The following HERC3 variants were observed in gnomAD, a reference collection of about 807,000 sequenced individuals.
The protein encoded by HERC3 is HECT and RLD domain containing E3 ubiquitin protein ligase 3, also known as probable E3 ubiquitin-protein ligase HERC3.
HERC3 carries 58 observed loss-of-function variants against 129.9 expected under a neutral mutation model. The ratio of observed to expected loss-of-function variants is 0.45; its 90% CI spans 0.36 to 0.56. The LOEUF (loss-of-function observed/expected upper bound fraction) is 0.56, where lower values mean the gene tolerates loss of function less well. Among genes scored for constraint, HERC3 ranks in the 20% least tolerant of loss-of-function variants. The pLI is 0.00. For missense variants in HERC3, 835 were observed against 1,244.2 expected, an observed-to-expected ratio of 0.67 and a Z score of 4.95; for synonymous variants, 430 against 451.0, an observed-to-expected ratio of 0.95 and a Z score of 0.59.
intron 23 of HERC3, chr4:88,697,637 C>T (rs1015741144): frequency 2.5e-6 from 4 of 1,613,742 alleles, no homozygotes; most frequent in Non-Finnish European, 3.4e-6. Flanking sequence ...TCACCAGCCG[C>T]GCTGTCACAG....
intron 10 of HERC3, among the ~76,000 whole-genome samples, chr4:88,660,714 TTGTGTGTGCATG>T (rs1730407348): frequency 6.6e-6 from 1 of 152,076 alleles, no homozygotes; most frequent in Admixed American, 6.6e-5. Context: ...ATTGTTAGAA[TTGTGTGTGCATG>T]TGTGTGTGTT....
At chr4:88,559,728 G>T in the HERC3 span, among the ~76,000 whole-genome samples, 5 of 152,276 alleles carry the variant, frequency 3.3e-5, no homozygotes, top group Middle Eastern at 6.8e-3. Flanking sequence ...GGCTATTGTG[G>T]ATAATGCTGC....
chr4:88,575,232 A>C, the HERC3 span, among the ~76,000 whole-genome samples: 2 of 152,358 alleles, frequency 1.3e-5, no homozygotes, highest in Admixed American at 1.3e-4. Context: ...ATCCTCCTCT[A>C]TAGGATTTTT....
chr4:88,697,749 G>A, intron 23 of HERC3: 1 of 1,606,752 alleles, frequency 6.2e-7, no homozygotes, highest in Non-Finnish European at 8.5e-7. Flanking sequence ...TTTCCGAGTC[G>A]GCCATGTTAG....
intron 23 of HERC3, among the ~76,000 whole-genome samples, chr4:88,687,768 G>C (rs1311631763): frequency 6.6e-6 from 1 of 152,246 alleles, no homozygotes; most frequent in East Asian, 1.9e-4. Flanking sequence ...ATTTTATAAA[G>C]GTGCTTACTA....
chr4:88,586,612 G>A, the HERC3 span, among the ~76,000 whole-genome samples: 4 of 151,996 alleles, frequency 2.6e-5, no homozygotes, highest in East Asian at 1.9e-4. Flanking sequence ...ACCCGCCTCC[G>A]CCTCCCAAAG....
chr4:88,666,226 A>T (rs10516816), intron 12 of HERC3, among the ~76,000 whole-genome samples: 7,055 of 152,188 alleles, frequency 0.046, 207 homozygotes, highest in Middle Eastern at 0.12. Context: ...TTTTTTTCAA[A>T]CTGACATCTG....
At chr4:88,634,837 G>C (rs1727192955) in intron 3 of HERC3, among the ~76,000 whole-genome samples, 1 of 152,114 alleles carries the variant, frequency 6.6e-6, no homozygotes, top group South Asian at 2.1e-4. Context: ...CTCCTCAAGT[G>C]ACATTTCCAG....
the HERC3 span, among the ~76,000 whole-genome samples, chr4:88,569,010 C>A: frequency 1.3e-5 from 2 of 152,106 alleles, no homozygotes; most frequent in African/African-American, 4.8e-5. Context: ...TCCACTGGTT[C>A]TGAGCCCACC....
the HERC3 span, among the ~76,000 whole-genome samples, chr4:88,562,581 C>G: frequency 6.6e-6 from 1 of 152,252 alleles, no homozygotes; most frequent in Non-Finnish European, 1.5e-5. Flanking sequence ...TTGCCCAGAC[C>G]AATGTCCTGG....
At chr4:88,548,456 G>T in the HERC3 span, among the ~76,000 whole-genome samples, 1 of 152,042 alleles carries the variant, frequency 6.6e-6, no homozygotes, top group East Asian at 1.9e-4. Flanking sequence ...CAATGATGTT[G>T]AGCATCTTTT....
the HERC3 span, among the ~76,000 whole-genome samples, chr4:88,543,175 A>G: frequency 1.3e-5 from 2 of 152,248 alleles, no homozygotes; most frequent in African/African-American, 4.8e-5. Flanking sequence ...ACATGATTGT[A>G]AATTTAGAAG....
At chr4:88,685,137 C>T (rs1050452591) in intron 21 of HERC3, among the ~76,000 whole-genome samples, 3 of 152,202 alleles carry the variant, frequency 2.0e-5, no homozygotes, top group Non-Finnish European at 2.9e-5. Flanking sequence ...TGCTTTTACA[C>T]TGTTGGTGGG....
At chr4:88,581,783 G>A in the HERC3 span, among the ~76,000 whole-genome samples, 5 of 152,110 alleles carry the variant, frequency 3.3e-5, no homozygotes, top group Admixed American at 1.3e-4. Flanking sequence ...TTTTATTTCA[G>A]TGTTTTACAG....
At chr4:88,687,785 C>A (rs1733637332) in intron 23 of HERC3, among the ~76,000 whole-genome samples, 1 of 152,152 alleles carries the variant, frequency 6.6e-6, no homozygotes, top group Non-Finnish European at 1.5e-5. Flanking sequence ...ACTATCACTG[C>A]TATTTTACTG....
chr4:88,622,653 G>A (rs1192129557), intron 3 of HERC3, among the ~76,000 whole-genome samples: 1 of 152,122 alleles, frequency 6.6e-6, no homozygotes, highest in Non-Finnish European at 1.5e-5. Flanking sequence ...CTGTTTGGCC[G>A]GGTGTGGTGG....
intron 3 of HERC3, among the ~76,000 whole-genome samples, chr4:88,615,292 G>A (rs945359955): frequency 6.6e-6 from 1 of 152,116 alleles, no homozygotes; most frequent in African/African-American, 2.4e-5. Context: ...CAGCCTGAAT[G>A]GGGTATATCT....
chr4:88,583,649 A>G, the HERC3 span: 2 of 152,138 alleles, frequency 1.3e-5, no homozygotes, highest in African/African-American at 4.8e-5. Context: ...TGGAGCTATG[A>G]TTTGACTGAT....
At chr4:88,602,286 C>T (rs1723081579) in intron 2 of HERC3, among the ~76,000 whole-genome samples, 2 of 150,400 alleles carry the variant, frequency 1.3e-5, no homozygotes, top group Non-Finnish European at 3.0e-5. Context: ...CCTGTAATCC[C>T]AGCTACTTGA....
Sources: allele counts gnomAD v4.1 joint callset (sites outside exome capture counted in the v4.1 genomes callset), GRCh38; gene constraint gnomAD v4.1.1; transcripts MANE v1.5; gene names NCBI Gene and HGNC (gene_info 2026-07-23, HGNC 2026-07-21).